The following LCN6 variants were observed in gnomAD, a reference collection of about 807,000 sequenced individuals.
The protein encoded by LCN6 is lipocalin 6, also known as epididymal-specific lipocalin-6.
LCN6 carries 20 observed loss-of-function variants against 21.4 expected under a neutral mutation model. The observed-to-expected ratio is 0.93, with a 90% CI of 0.66 to 1.36. The LOEUF is 1.36. Ranked by LOEUF, LCN6 falls within the 40% of genes most tolerant of loss-of-function variation. LCN6 has a pLI of 0.00. For missense variants in LCN6, 217 were observed against 206.6 expected, an observed-to-expected ratio of 1.05 and a Z score of -0.31; for synonymous variants, 96 against 89.0, an observed-to-expected ratio of 1.08 and a Z score of -0.44.
In LCN6 at chr9:136,747,608, CCAGCCTCCAGCCTCCAACCCTCCAGCCT is replaced by C. The variant is rs1410191299; in HGVS notation, c.91-73_91-46del. 6.3e-5 allele frequency: 100 copies of C among 1,574,808 alleles called. 1 individual carries two copies. The Middle Eastern group carries it at 7.0e-4, about 11-fold the overall frequency. On this transcript the variant is annotated intron_variant, in intron 1 of 6. Coordinates refer to ENST00000341206, the MANE Select transcript of LCN6 (RefSeq NM_198946.3). ...GTTAGGGCCGCCAGCCCTCCAGCCT[CCAGCCTCCAGCCTCCAACCCTCCAGCCT>C]CAGCCTCCAGCCTCCAAACCTCCAG...
At chr9:136,746,432 C>T (rs374386466) in intron 2 of LCN6, among the ~76,000 whole-genome samples, 117 of 152,128 alleles carry the variant, frequency 7.7e-4, no homozygotes, top group African/African-American at 2.6e-3. Context: ...AAGGGGCCGG[C>T]GCTCCCTAAG....
chr9:136,747,384 T>C (rs1202809804), intron 2 of LCN6, 40 bp downstream of exon 2: 1 of 1,605,894 alleles, frequency 6.2e-7, no homozygotes, highest in Admixed American at 1.7e-5. Flanking sequence ...TGAGCCACAG[T>C]CCTGCCTGCG....
Position 136,746,161 on chromosome 9 carries a change from A to G in LCN6, c.231-247T>C. 5.9e-6 allele frequency: 3 copies of G among 510,922 alleles called. No individual in the cohort carries two copies. The South Asian group carries it at 6.9e-5, about 12-fold the overall frequency. The allele number at this position is 510,922 out of a possible 1,614,324, so 31.6% of individuals were successfully genotyped here. A position where few individuals can be genotyped will look rare whatever the true frequency, so the allele number is the denominator to read the frequency against. On this transcript the variant is annotated intron_variant, in intron 2 of 6. Coordinates refer to ENST00000341206, the MANE Select transcript of LCN6 (RefSeq NM_198946.3). The stretch of plus-strand genomic sequence containing the variant: ...TGCCAGATCTCCACCAGGAACGCTG[A>G]ATGCTGCTGAGGACACAACAGGAGA...
Position 136,745,926 on chromosome 9 carries a change from G to A in LCN6, c.231-12C>T. ...CACACCCTCCCAGCCTGGAAAAGAAGGGGCCTGTCACCCACTCAGGGTCAA... is the reference window on the plus strand; with the variant it reads ...CACACCCTCCCAGCCTGGAAAAGAAAGGGCCTGTCACCCACTCAGGGTCAA... On this transcript the variant is annotated splice_polypyrimidine_tract_variant and intron_variant, in intron 2 of 6. Coordinates refer to ENST00000341206, the MANE Select transcript of LCN6 (RefSeq NM_198946.3). The A allele has an allele frequency of 6.2e-7, 1 of 1,613,406 alleles. No individual in the cohort carries two copies. The highest frequency in any genetic ancestry group is 8.5e-7 in the Non-Finnish European group (1 of 1,179,724).
chr9:136,745,738 C>T (rs887331704), intron 3 of LCN6, 106 bp downstream of exon 3: 10 of 968,182 alleles, frequency 1.0e-5, no homozygotes, highest in Non-Finnish European at 1.7e-5. Context: ...AACCTGTAGC[C>T]TCCTGGCTCT....
At chr9:136,746,883 G>A (rs1230870184) in intron 2 of LCN6, 1 of 153,206 alleles carries the variant, frequency 6.5e-6, no homozygotes, top group African/African-American at 2.4e-5. Context: ...TGTCCCCTGT[G>A]TAGCACGGCC....
intron 2 of LCN6, among the ~76,000 whole-genome samples, chr9:136,747,190 C>T (rs564730768): frequency 6.6e-6 from 1 of 152,202 alleles, no homozygotes; most frequent in African/African-American, 2.4e-5. Flanking sequence ...GAGCAGTGCC[C>T]GCCGCGGTAT....
Position 136,744,793 on chromosome 9 carries a change from G to C in LCN6, c.413-52C>G. On this transcript the variant is annotated intron_variant, in intron 4 of 6. Transcript: ENST00000341206. This position sits in a 1 kb window ranked among gnomAD's most constrained non-coding sequence, Gnocchi z 4.2. ...GAAGCAACCTCTGAGAGCTGGGGAG[G>C]GGCCGGGGAGGGGCTGGGAAGGGTC... The C allele has an allele frequency of 7.7e-7, 1 of 1,302,312 alleles. No individual in the cohort carries two copies. The highest frequency in any genetic ancestry group is 1.1e-6 in the Non-Finnish European group (1 of 915,758). The allele number at this position is 1,302,312 out of a possible 1,614,324, so 80.7% of individuals were successfully genotyped here.
At chr9:136,747,720 CCTCCAGCCTTCCAGCCCTGCAG>C (rs1847065349) in intron 1 of LCN6, among the ~76,000 whole-genome samples, 157 bp from the exon 2 acceptor site, 1 of 146,392 alleles carries the variant, frequency 6.8e-6, no homozygotes, top group African/African-American at 2.5e-5. Context: ...AACCCTCCAG[CCTCCAGCCTTCCAGCCCTGCAG>C]CCTCCAGCCT....
chr9:136,745,077 AAGC>A, intron 4 of LCN6, 90 bp downstream of exon 4: 2 of 639,834 alleles, frequency 3.1e-6, no homozygotes, highest in South Asian at 3.5e-5. Context: ...CGCGGCCCCC[AAGC>A]GGCCCACGCA....
chr9:136,744,355 G>A lies in LCN6; in HGVS notation c.*32C>T. The A allele has an allele frequency of 2.8e-6, 1 of 354,422 alleles. No homozygotes were observed. Among genetic ancestry groups the A allele is most frequent in the South Asian group, 6.1e-5 (1 of 16,286 alleles). The allele number at this position is 354,422 out of a possible 1,614,324, so 22.0% of individuals were successfully genotyped here. A position where few individuals can be genotyped will look rare whatever the true frequency, so the allele number is the denominator to read the frequency against. Reference sequence around the variant, plus strand: ...GCGGCTTACCAGAAGGATCTTGTGAGCACAGGTGACTAGAAGGGGAGGCAA... The same window carrying A: ...GCGGCTTACCAGAAGGATCTTGTGAACACAGGTGACTAGAAGGGGAGGCAA... On this transcript the variant is annotated 3_prime_UTR_variant, in exon 6 of 7. Coordinates refer to ENST00000341206, the MANE Select transcript of LCN6 (RefSeq NM_198946.3). The surrounding 1 kb of genome is among the most constrained non-coding windows in gnomAD (Gnocchi z 4.2).
intron 3 of LCN6, 28 bp from the exon 4 acceptor site, chr9:136,745,308 G>C: frequency 6.6e-7 from 1 of 1,509,034 alleles, no homozygotes; most frequent in Non-Finnish European, 9.2e-7. Flanking sequence ...CCGCCTCAGG[G>C]GAGGGCAGCT....
chr9:136,748,406 C>T lies in LCN6; in HGVS notation c.78G>A (p.Leu26=), dbSNP rs779697727. Residue 26 remains leucine (L), a synonymous_variant, in exon 1 of 7, where the codon CTG becomes CTA. Transcript: ENST00000341206. The part of the protein sequence containing the change: ...PRAQAVWLGR[L]DPEQLLGPWY... ...AGGAGGACTGTACCTGCTCAGGGTCCAGTCTTCCCAACCACACGGCCTGGG... is the reference window on the plus strand; with the variant it reads ...AGGAGGACTGTACCTGCTCAGGGTCTAGTCTTCCCAACCACACGGCCTGGG... 1.2e-6 allele frequency: 2 copies of T among 1,612,586 alleles called. No homozygotes were observed. Among genetic ancestry groups the T allele is most frequent in the Admixed American group, 1.7e-5 (1 of 59,952 alleles).
rs769661032 is a variant in LCN6, at chr9:136,747,446, G to A, written c.208C>T (p.Arg70Trp). 10 of 1,613,290 alleles carry A rather than the reference G, an allele frequency of 6.2e-6. No homozygotes were observed. Among genetic ancestry groups the A allele is most frequent in the East Asian group, 2.2e-5 (1 of 44,902 alleles). The stretch of plus-strand genomic sequence containing the variant: ...CACCCGTGCTGAGAGGACAGCGTCC[G>A]CAGGTTGTTTTCTGGAGTGAGGGTC... The part of the protein sequence containing the change: ...VVTLTPENNL[R>W]TLSSQHGLGG... The change falls in exon 2 of 7, where the codon CGG becomes TGG. Residue 70 changes from arginine (R) to tryptophan (W), a missense_variant. Coordinates refer to ENST00000341206, the MANE Select transcript of LCN6 (RefSeq NM_198946.3).
At chr9:136,746,282 G>A (rs1273368930) in intron 2 of LCN6, among the ~76,000 whole-genome samples, 1 of 118,552 alleles carries the variant, frequency 8.4e-6, no homozygotes, top group Non-Finnish European at 1.8e-5. Flanking sequence ...CGGGGTGGGG[G>A]TTCGCCCGCA....
Position 136,747,424 on chromosome 9 carries a change from C to T in LCN6, c.230G>A (p.Gly77Glu). 1.9e-6 allele frequency: 3 copies of T among 1,612,602 alleles called. No homozygotes were observed. The highest frequency in any genetic ancestry group is 2.5e-6 in the Non-Finnish European group (3 of 1,179,654). ...GGCCTGGCAGGACCCGCCCACTCAC[C>T]CGTGCTGAGAGGACAGCGTCCGCAG... ...NNLRTLSSQHGLGGCDQSVMD... is the reference protein window; with the variant it reads ...NNLRTLSSQHELGGCDQSVMD... The change falls in exon 2 of 7, where the codon GGG (glycine) becomes GAG (glutamate). Residue 77 changes from glycine (G) to glutamate (E), a missense_variant and splice_region_variant. Physicochemically the swap from Gly to Glu is moderately conservative, Grantham distance 98. Transcript: ENST00000341206.
At chr9:136,745,954 C>A in intron 2 of LCN6, 40 bp from the exon 3 acceptor site, 3 of 1,588,136 alleles carry the variant, frequency 1.9e-6, no homozygotes, top group Non-Finnish European at 2.6e-6. Context: ...AGGGTCAAGA[C>A]CCCGGGGCCC....
chr9:136,748,360 G>A (rs1374675725), intron 1 of LCN6, 34 bp downstream of exon 1: 9 of 1,578,698 alleles, frequency 5.7e-6, no homozygotes, highest in African/African-American at 1.3e-5. Flanking sequence ...TGGCCCCCGA[G>A]GACCAGCTCT....
In LCN6 at chr9:136,744,447, G is replaced by A. The variant is rs76435027; in HGVS notation, c.*23-83C>T. 8.7e-4 allele frequency: 437 copies of A among 501,512 alleles called. 1 individual carries two copies. Among genetic ancestry groups the A allele is most frequent in the African/African-American group, 7.6e-3 (401 of 52,550 alleles). The allele number at this position is 501,512 out of a possible 1,614,324, so 31.1% of individuals were successfully genotyped here. A position where few individuals can be genotyped will look rare whatever the true frequency, so the allele number is the denominator to read the frequency against. On this transcript the variant is annotated intron_variant, in intron 5 of 6. Transcript: ENST00000341206. This position sits in a 1 kb window ranked among gnomAD's most constrained non-coding sequence, Gnocchi z 4.2. ...GCCCCACCCACAAGACTCGCCTGCC[G>A]TGGGGACAAGACCCCCAGGCCTGAC...
Sources: gnomAD v4.1 joint callset for allele counts (sites outside exome capture counted in the v4.1 genomes callset) on GRCh38, gnomAD v4.1.1 for gene constraint, Gnocchi (gnomAD v3.1) non-coding constraint, MANE v1.5 for transcripts, NCBI Gene and HGNC (gene_info 2026-07-23, HGNC 2026-07-21) for gene names.